Variants in FANCI observed in about 807,000 individuals in gnomAD.
FANCI encodes the protein FA complementation group I, also known as Fanconi anemia group I protein.
Under a neutral mutation model 176.1 loss-of-function variants are expected in FANCI, and 156 were observed. That is an observed-to-expected ratio of 0.89 (90% CI 0.78 to 1.01). FANCI has a LOEUF of 1.01. Ranked by LOEUF, FANCI falls within the 50% of genes least tolerant of loss-of-function variation. The pLI is 0.00. For synonymous variants in FANCI, 613 were observed against 541.7 expected, an observed-to-expected ratio of 1.13 and a Z score of -1.83; for missense variants, 1,678 against 1,534.1, an observed-to-expected ratio of 1.09 and a Z score of -1.57.
chr15:89,290,336 A>T, intron 19 of FANCI, 55 bp downstream of exon 19: 1 of 1,350,696 alleles, frequency 7.4e-7, no homozygotes, highest in Non-Finnish European at 1.1e-6. Flanking sequence ...ATCGAGAGAC[A>T]GTTGATGGTT....
At position 89,273,472 on chromosome 15, in the gene FANCI, A is replaced by G. The variant is rs773615217; in HGVS notation, c.975+3A>G. The stretch of plus-strand genomic sequence containing the variant: ...GAATACAAAGATTTCAGGACCAGGT[A>G]TTTTTTTAAAATGCCATTTTGTTTC... On this transcript the variant is annotated splice_donor_region_variant and intron_variant, in intron 11 of 37. Coordinates refer to ENST00000310775, the MANE Select transcript of FANCI (RefSeq NM_001113378.2). 8.5e-6 allele frequency: 12 copies of G among 1,411,608 alleles called. No individual in the cohort carries two copies. The highest frequency in any genetic ancestry group is 1.2e-5 in the Non-Finnish European group (12 of 1,009,346). 87.4% of individuals were successfully genotyped at this position (1,411,608 alleles called of 1,614,324 possible).
chr15:89,253,402 A>C (rs980932195), intron 2 of FANCI, among the ~76,000 whole-genome samples: 1 of 152,124 alleles, frequency 6.6e-6, no homozygotes, highest in Non-Finnish European at 1.5e-5. Context: ...TAATCCCAGC[A>C]CTTTGGGAGG....
intron 14 of FANCI, among the ~76,000 whole-genome samples, chr15:89,279,145 TTG>T (rs2053518470): frequency 1.9e-5 from 1 of 53,258 alleles, no homozygotes; most frequent in Admixed American, 1.6e-4. Context: ...TGCTGTTTTG[TTG>T]TTGTTGTTGT....
At chr15:89,300,265 A>G (rs1191810881) in intron 25 of FANCI, 35 bp from the exon 26 acceptor site, 3 of 1,596,384 alleles carry the variant, frequency 1.9e-6, no homozygotes, top group South Asian at 1.1e-5. Flanking sequence ...ATGAGTTTAT[A>G]TCAAAGAAGA....
intron 34 of FANCI, chr15:89,308,025 G>A: frequency 8.3e-7 from 1 of 1,200,956 alleles, no homozygotes; most frequent in Non-Finnish European, 1.0e-6. Context: ...GCAAGCACAT[G>A]AAGAAGGGTT....
At chr15:89,311,307 T>C (rs1176084083) in intron 34 of FANCI, among the ~76,000 whole-genome samples, 3 of 151,956 alleles carry the variant, frequency 2.0e-5, no homozygotes, top group Non-Finnish European at 4.4e-5. Context: ...TAATCCCAGC[T>C]ACTCGGGAAG....
In FANCI at chr15:89,273,425, G is replaced by T; in HGVS notation, c.931G>T (p.Ala311Ser). 1 of 1,604,354 alleles carries T rather than the reference G, an allele frequency of 6.2e-7. No homozygotes were observed. The highest frequency in any genetic ancestry group is 8.5e-7 in the Non-Finnish European group (1 of 1,176,442). ...SNNNLSPFSI[A>S]LLLSVTRIQR... ...TAATAACTTAAGTCCCTTCAGCATT[G>T]CTCTTCTTCTGTCTGTAACAAGAAT... Residue 311 changes from alanine (A) to serine (S), a missense_variant, in exon 11 of 38, where the codon GCT (alanine) becomes TCT (serine). Around this residue, in one of 3 missense-constraint regions of FANCI, gnomAD observed 469 missense variants for 436.9 expected, o/e 1.07. Transcript: ENST00000310775.
chr15:89,300,163 T>C, intron 25 of FANCI, 137 bp from the exon 26 acceptor site: 1 of 1,043,600 alleles, frequency 9.6e-7, no homozygotes, highest in South Asian at 1.4e-5. Context: ...TGGAATATAG[T>C]ATTAAGAAAT....
intron 24 of FANCI, among the ~76,000 whole-genome samples, chr15:89,296,973 C>T (rs1257251763): frequency 6.9e-6 from 1 of 144,792 alleles, no homozygotes; most frequent in Non-Finnish European, 1.5e-5. Flanking sequence ...GGGGGCTGAC[C>T]CCCCCCACCT....
At chr15:89,277,648 G>A (rs2053460997) in intron 13 of FANCI, among the ~76,000 whole-genome samples, 1 of 150,572 alleles carries the variant, frequency 6.6e-6, no homozygotes, top group Non-Finnish European at 1.5e-5. Context: ...ATACTTATTG[G>A]TTCATTGTTT....
intron 35 of FANCI, 152 bp from the exon 36 acceptor site, chr15:89,314,460 A>C (rs1408246127): frequency 1.7e-5 from 11 of 650,818 alleles, no homozygotes; most frequent in Non-Finnish European, 2.2e-5. Context: ...TTGAACTGCC[A>C]AAAATTTTAG....
chr15:89,282,045 T>C (rs544869922), intron 16 of FANCI: 19 of 550,756 alleles, frequency 3.4e-5, no homozygotes, highest in Non-Finnish European at 5.9e-5. Flanking sequence ...GTAAGAATTA[T>C]TGCAATTCCC....
chr15:89,284,963 C>T (rs987095758), intron 17 of FANCI, 133 bp from the exon 18 acceptor site: 2 of 925,232 alleles, frequency 2.2e-6, no homozygotes, highest in East Asian at 2.4e-5. Flanking sequence ...AATGATTATA[C>T]TGTGTGTCTC....
intron 22 of FANCI, 115 bp from the exon 23 acceptor site, chr15:89,293,718 A>G (rs2054151187): frequency 1.9e-6 from 2 of 1,043,102 alleles, no homozygotes; most frequent in East Asian, 2.4e-5. Flanking sequence ...ATTCATTTAT[A>G]ATGTTACGTC....
intron 10 of FANCI, among the ~76,000 whole-genome samples, chr15:89,270,212 G>T (rs2053148005): frequency 6.6e-6 from 1 of 152,170 alleles, no homozygotes; most frequent in African/African-American, 2.4e-5. Flanking sequence ...TGGCCAACAG[G>T]CTGTATGTAG....
At chr15:89,263,392 A>ATT in intron 6 of FANCI, 27 bp from the exon 7 acceptor site, 1 of 1,601,770 alleles carries the variant, frequency 6.2e-7, no homozygotes, top group Non-Finnish European at 8.6e-7. Context: ...TTGTAAAGAA[A>ATT]TAAACTTTGT....
intron 14 of FANCI, among the ~76,000 whole-genome samples, chr15:89,280,504 T>C (rs16942945): frequency 0.05 from 7,612 of 152,232 alleles, 606 homozygotes; most frequent in African/African-American, 0.17. Flanking sequence ...ACTTTTCCCT[T>C]TATATATGTA....
intron 6 of FANCI, among the ~76,000 whole-genome samples, chr15:89,262,192 T>C (rs962298483): frequency 1.3e-5 from 2 of 152,188 alleles, no homozygotes; most frequent in Non-Finnish European, 2.9e-5. Context: ...TATTGGAGTC[T>C]CAAGGTCGTG....
chr15:89,296,193 G>C (rs979021418), intron 24 of FANCI, among the ~76,000 whole-genome samples: 1 of 151,944 alleles, frequency 6.6e-6, no homozygotes, highest in Non-Finnish European at 1.5e-5. Context: ...TCGAACTCCT[G>C]ACCTCAGGTG....
Sources: allele counts gnomAD v4.1 joint callset (sites outside exome capture counted in the v4.1 genomes callset), GRCh38; gene constraint gnomAD v4.1.1; regional missense constraint gnomAD v4.1.1; transcripts MANE v1.5; gene names NCBI Gene and HGNC (gene_info 2026-07-23, HGNC 2026-07-21).